The following LGR4 variants were observed in gnomAD, a reference collection of about 807,000 sequenced individuals.
LGR4 encodes leucine rich repeat containing G protein-coupled receptor 4.
LGR4 carries 44 observed loss-of-function variants against 84.8 expected under a neutral mutation model. The observed-to-expected ratio is 0.52, with a 90% CI of 0.41 to 0.67. LGR4 has a LOEUF of 0.67. Ranked by LOEUF, LGR4 falls within the 30% of genes least tolerant of loss-of-function variation. The pLI, the probability that LGR4 is intolerant of heterozygous loss-of-function variation, is 0.00. For synonymous variants in LGR4, 429 were observed against 434.3 expected (o/e 0.99, Z 0.15); for missense variants, 1,032 against 1,131.4 (o/e 0.91, Z 1.26).
At chr11:27,406,894 T>C (rs568221608) in intron 2 of LGR4, among the ~76,000 whole-genome samples, 11 of 152,270 alleles carry the variant, frequency 7.2e-5, no homozygotes, top group Admixed American at 7.2e-4. Context: ...GAGTAAACGT[T>C]AAGTGAGTCA....
chr11:27,411,381 ACTAT>A, intron 2 of LGR4, among the ~76,000 whole-genome samples: 2 of 151,782 alleles, frequency 1.3e-5, no homozygotes, highest in South Asian at 4.1e-4. Context: ...ATTAATGTTC[ACTAT>A]AAGAAAAAAA....
At chr11:27,412,741 G>C in intron 2 of LGR4, 48 bp downstream of exon 2, 1 of 1,120,738 alleles carries the variant, frequency 8.9e-7, no homozygotes, top group Non-Finnish European at 1.4e-6. Flanking sequence ...CTTCCAAAAT[G>C]AATTGGGGAA....
In LGR4 at chr11:27,371,702, A is replaced by G. The variant is rs1288280305; in HGVS notation, c.1496-4T>C. 21 of 1,598,452 alleles carry G rather than the reference A, an allele frequency of 1.3e-5. No homozygotes were observed. The highest frequency in any genetic ancestry group is 1.6e-5 in the Non-Finnish European group (19 of 1,167,786). On this transcript the variant is annotated splice_region_variant and splice_polypyrimidine_tract_variant and intron_variant, in intron 16 of 17. Transcript: ENST00000379214. ...ACATTTGCTGCATCAGCAGTACCTG[A>G]ACATATAACACAAAGCATGTTTAAT...
At position 27,419,599 on chromosome 11, in the gene LGR4, TG is replaced by T. The variant is rs905650327; in HGVS notation, c.186-6740del. 1.4e-3 allele frequency among the ~76,000 whole-genome samples: 208 copies of T among 147,690 alleles called. 2 individuals carry two copies. Among genetic ancestry groups the T allele is most frequent in the African/African-American group, 4.7e-3 (193 of 40,738 alleles). On this transcript the variant is annotated intron_variant, in intron 1 of 17. Transcript: ENST00000379214. ...ACATAATTATATGTTTTAATATATA[TG>T]TATTATATATAAATATAATATATAA...
chr11:27,439,093 G>A (rs754367234), intron 1 of LGR4, among the ~76,000 whole-genome samples: 2 of 152,118 alleles, frequency 1.3e-5, no homozygotes, highest in Non-Finnish European at 2.9e-5. Flanking sequence ...TGGAGATGTC[G>A]TGATGGTAAA....
chr11:27,394,429 G>T (rs889507055), intron 2 of LGR4, among the ~76,000 whole-genome samples: 32 of 152,090 alleles, frequency 2.1e-4, no homozygotes, highest in African/African-American at 7.7e-4. Context: ...TTGAGACGGA[G>T]TCTCACTCTG....
chr11:27,397,871 A>G (rs1259452547), intron 2 of LGR4, among the ~76,000 whole-genome samples: 1 of 152,228 alleles, frequency 6.6e-6, no homozygotes, highest in East Asian at 1.9e-4. Flanking sequence ...TCTGTTTGCT[A>G]CAACAGCCCC....
rs1252023313 is a variant in LGR4 at position 27,412,816 on chromosome 11, A to C, written c.230T>G (p.Phe77Cys). Residue 77 changes from phenylalanine (F) to cysteine (C), a missense_variant, in exon 2 of 18, where the codon TTT becomes TGT. Coordinates refer to ENST00000379214, the MANE Select transcript of LGR4 (RefSeq NM_018490.5). ...NNITQLPEDAFKNFPFLEELQ... is the reference protein window; with the variant it reads ...NNITQLPEDACKNFPFLEELQ... ...CTCTTCTAGAAAAGGAAAGTTCTTAAATGCATCTTCTGGCAACTGAGTAAT... is the reference window on the plus strand; with the variant it reads ...CTCTTCTAGAAAAGGAAAGTTCTTACATGCATCTTCTGGCAACTGAGTAAT... The C allele has an allele frequency of 1.9e-6, 3 of 1,602,104 alleles. No individual in the cohort carries two copies. Among genetic ancestry groups the C allele is most frequent in the Non-Finnish European group, 2.6e-6 (3 of 1,169,572 alleles).
Position 27,368,853 on chromosome 11 carries a change from G to A in LGR4, c.1870C>T (p.Leu624Phe). 6.2e-7 allele frequency: 1 copy of A among 1,614,124 alleles called. No individual in the cohort carries two copies. Among genetic ancestry groups the A allele is most frequent in the Non-Finnish European group, 8.5e-7 (1 of 1,180,034 alleles). Residue 624 changes from leucine to phenylalanine, a missense_variant, in exon 18 of 18, where the codon CTT becomes TTT. Coordinates refer to ENST00000379214, the MANE Select transcript of LGR4 (RefSeq NM_018490.5). ...TGSGCKVAGF[L>F]AVFSSESAIF... Reference sequence around the variant, plus strand: ...GCACTTTCTGAGGAGAAAACTGCAAGAAACCCAGCTACTTTGCAGCCACTG... The same window carrying A: ...GCACTTTCTGAGGAGAAAACTGCAAAAAACCCAGCTACTTTGCAGCCACTG...
chr11:27,429,499 A>C (rs115278413), intron 1 of LGR4, among the ~76,000 whole-genome samples: 2,086 of 151,630 alleles, frequency 0.014, 43 homozygotes, highest in African/African-American at 0.048. Context: ...AAAAAAGGGA[A>C]TAGAAACAGG....
intron 1 of LGR4, among the ~76,000 whole-genome samples, chr11:27,422,772 T>A (rs920976632): frequency 1.3e-5 from 2 of 152,210 alleles, no homozygotes; most frequent in South Asian, 4.1e-4. Flanking sequence ...AAGTTTCCCT[T>A]TTCTTTGTCC....
intron 1 of LGR4, among the ~76,000 whole-genome samples, chr11:27,431,984 A>G (rs1864124752): frequency 6.6e-6 from 1 of 152,228 alleles, no homozygotes; most frequent in South Asian, 2.1e-4. Flanking sequence ...TCATGCTGAC[A>G]TAAGGAAGGT....
chr11:27,404,499 T>C (rs1270456562), intron 2 of LGR4, among the ~76,000 whole-genome samples: 1 of 152,226 alleles, frequency 6.6e-6, no homozygotes, highest in Admixed American at 6.5e-5. Flanking sequence ...TCCCACAGTA[T>C]GCCTAGTCCC....
intron 11 of LGR4, 27 bp downstream of exon 11, chr11:27,378,670 G>A: frequency 1.4e-6 from 2 of 1,466,608 alleles, no homozygotes; most frequent in Admixed American, 1.7e-5. Flanking sequence ...AAAGGTATGA[G>A]GGGAAGGGAA....
chr11:27,449,630 A>G (rs1198660345), intron 1 of LGR4, among the ~76,000 whole-genome samples: 4 of 149,412 alleles, frequency 2.7e-5, no homozygotes, highest in African/African-American at 9.8e-5. Context: ...TTAAAAAAAG[A>G]AAAAAAAAAG....
At chr11:27,392,333 A>T in intron 3 of LGR4, 114 bp downstream of exon 3, 1 of 820,712 alleles carries the variant, frequency 1.2e-6, no homozygotes, top group Non-Finnish European at 1.8e-6. Context: ...GCCACTCCTT[A>T]AATCTTTTAA....
intron 1 of LGR4, among the ~76,000 whole-genome samples, chr11:27,452,621 GA>G (rs1864499744): frequency 7.0e-6 from 1 of 142,992 alleles, no homozygotes; most frequent in Non-Finnish European, 1.5e-5. Context: ...ACAACTTTTT[GA>G]GTTTTTTTTT....
At chr11:27,456,024 A>G (rs977622002) in intron 1 of LGR4, among the ~76,000 whole-genome samples, 1 of 152,250 alleles carries the variant, frequency 6.6e-6, no homozygotes, top group East Asian at 1.9e-4. Flanking sequence ...TGGTGATGAT[A>G]TTATCTGAAT....
intron 1 of LGR4, among the ~76,000 whole-genome samples, chr11:27,420,490 A>G (rs981405808): frequency 6.6e-6 from 1 of 152,178 alleles, no homozygotes; most frequent in African/African-American, 2.4e-5. Flanking sequence ...CTGGAGCTCA[A>G]AAAAGGCTTC....
Sources: allele counts gnomAD v4.1 joint callset (sites outside exome capture counted in the v4.1 genomes callset), GRCh38; gene constraint gnomAD v4.1.1; transcripts MANE v1.5; gene names NCBI Gene and HGNC (gene_info 2026-07-23, HGNC 2026-07-21).